Variants in PARD3B observed in about 807,000 individuals in gnomAD.
The protein encoded by PARD3B is partitioning defective 3 homolog B.
In PARD3B, 103 loss-of-function variants were observed where a neutral mutation model predicts 130.2. The ratio of observed to expected loss-of-function variants is 0.79; its 90% CI spans 0.67 to 0.93. The LOEUF is 0.93. PARD3B is among the 40% of genes least tolerant of loss of function. The pLI is 0.00. For missense variants in PARD3B, 1,609 were observed against 1,499.2 expected, an observed-to-expected ratio of 1.07 and a Z score of -1.21; for synonymous variants, 583 against 553.2, an observed-to-expected ratio of 1.05 and a Z score of -0.76.
chr2:205,544,350 G>A (rs771469259), intron 21 of PARD3B, among the ~76,000 whole-genome samples: 1 of 151,960 alleles, frequency 6.6e-6, no homozygotes, highest in Non-Finnish European at 1.5e-5. Flanking sequence ...AGACAGATGG[G>A]GGATAGGAAA....
intron 4 of PARD3B, among the ~76,000 whole-genome samples, chr2:205,072,895 G>A (rs1021098066): frequency 6.6e-6 from 1 of 152,094 alleles, no homozygotes; most frequent in African/African-American, 2.4e-5. Flanking sequence ...CAAACCATTA[G>A]CTCCTTAAGG....
At chr2:205,161,330 T>G (rs2034492220) in intron 11 of PARD3B, among the ~76,000 whole-genome samples, 1 of 152,180 alleles carries the variant, frequency 6.6e-6, no homozygotes, top group Non-Finnish European at 1.5e-5. Flanking sequence ...ACTGGTCTGC[T>G]GAGTCAGACA....
At chr2:204,827,201 G>A (rs1282186496) in intron 2 of PARD3B, among the ~76,000 whole-genome samples, 1 of 152,172 alleles carries the variant, frequency 6.6e-6, no homozygotes, top group Non-Finnish European at 1.5e-5. Flanking sequence ...AACAGTTATT[G>A]AAATATTGTG....
At chr2:205,094,812 G>T (rs758891522) in intron 4 of PARD3B, among the ~76,000 whole-genome samples, 1 of 152,100 alleles carries the variant, frequency 6.6e-6, no homozygotes, top group Non-Finnish European at 1.5e-5. Context: ...GTGTATATGG[G>T]ATATTTACTA....
Position 205,185,842 on chromosome 2 carries a change from G to T in PARD3B, c.2003G>T (p.Gly668Val), listed in dbSNP as rs772584989. 1 of 1,613,704 alleles carries T rather than the reference G, an allele frequency of 6.2e-7. No homozygotes were observed. Among genetic ancestry groups the T allele is most frequent in the South Asian group, 1.1e-5 (1 of 91,070 alleles). ...ACACCACATTCTGCTCTGGGATTGGGCCTCGAAGATTACAGCCACAGGTAT... is the reference window on the plus strand; with the variant it reads ...ACACCACATTCTGCTCTGGGATTGGTCCTCGAAGATTACAGCCACAGGTAT... Reference protein sequence around the residue: ...SPTPHSALGLGLEDYSHSSGV... With the variant: ...SPTPHSALGLVLEDYSHSSGV... Residue 668 changes from glycine (G) to valine (V), a missense_variant, in exon 14 of 23, where the codon GGC becomes GTC. Physicochemically the swap from Gly to Val is moderately radical, Grantham distance 109. Coordinates refer to ENST00000406610, the MANE Select transcript of PARD3B (RefSeq NM_001302769.2).
chr2:205,198,758 T>C (rs982000329), intron 15 of PARD3B, among the ~76,000 whole-genome samples: 1 of 152,108 alleles, frequency 6.6e-6, no homozygotes, highest in Non-Finnish European at 1.5e-5. Context: ...GAGGTACTTC[T>C]ATATGAATTA....
intron 20 of PARD3B, among the ~76,000 whole-genome samples, chr2:205,474,850 T>C (rs1170194233): frequency 1.3e-5 from 2 of 152,126 alleles, no homozygotes; most frequent in Admixed American, 1.3e-4. Context: ...TCATGAAAAA[T>C]AGTACTGTAT....
chr2:205,466,876 C>A (rs964519184), intron 20 of PARD3B, among the ~76,000 whole-genome samples: 3 of 152,152 alleles, frequency 2.0e-5, no homozygotes, highest in African/African-American at 4.8e-5. Flanking sequence ...CCACACCTGG[C>A]TAATTTTTGT....
In PARD3B at chr2:204,689,315, C is replaced by T. The variant is rs1046087921; in HGVS notation, c.222+3033C>T. Among the ~76,000 whole-genome samples the T allele has an allele frequency of 1.3e-4, 20 of 152,126 alleles. No homozygotes were observed. The highest frequency in any genetic ancestry group is 2.8e-4 in the Non-Finnish European group (19 of 68,030). Reference sequence around the variant, plus strand: ...TTTTAAACTTGCTTTCCTAGTACAGCTTCCACGGGGACCAAGTCTCCACTG... The same window carrying T: ...TTTTAAACTTGCTTTCCTAGTACAGTTTCCACGGGGACCAAGTCTCCACTG... On this transcript the variant is annotated intron_variant, in intron 2 of 22. Coordinates refer to ENST00000406610, the MANE Select transcript of PARD3B (RefSeq NM_001302769.2). The surrounding 1 kb of genome is among the most constrained non-coding windows in gnomAD (Gnocchi z 5.2).
chr2:205,303,617 T>C (rs1393198806), intron 18 of PARD3B, among the ~76,000 whole-genome samples: 5 of 152,132 alleles, frequency 3.3e-5, no homozygotes, highest in African/African-American at 4.8e-5. Flanking sequence ...ATAGAGATGT[T>C]CCAACCAGCC....
At chr2:205,044,015 T>C (rs1370613973) in intron 3 of PARD3B, among the ~76,000 whole-genome samples, 1 of 147,784 alleles carries the variant, frequency 6.8e-6, no homozygotes, top group African/African-American at 2.5e-5. Flanking sequence ...GTCCATGTGT[T>C]CTCATTGTTC....
rs59814500 is a variant in PARD3B, at chr2:205,309,893, CATCT to C, written c.2630+8224_2630+8227del. On this transcript the variant is annotated intron_variant, in intron 18 of 22. Transcript: ENST00000406610. This position sits in a 1 kb window ranked among gnomAD's most constrained non-coding sequence, Gnocchi z 4.7. ...AACTTGATAGACATTACTTCTTATCCATCTATCTATCTATCTATCTATCTATCTA... is the reference window on the plus strand; with the variant it reads ...AACTTGATAGACATTACTTCTTATCCATCTATCTATCTATCTATCTATCTA... Among the ~76,000 whole-genome samples the C allele has an allele frequency of 0.29, 43,842 of 150,410 alleles. 7,807 individuals are homozygous for C. The highest frequency in any genetic ancestry group is 0.5 in the African/African-American group (20,346 of 40,790).
chr2:204,908,518 G>T (rs1360518438), intron 2 of PARD3B, among the ~76,000 whole-genome samples: 1 of 152,142 alleles, frequency 6.6e-6, no homozygotes, highest in Non-Finnish European at 1.5e-5. Context: ...CACATTGGGG[G>T]AAATCACTAC....
intron 1 of PARD3B, among the ~76,000 whole-genome samples, chr2:204,613,524 G>T (rs2034004060): frequency 6.6e-6 from 1 of 151,948 alleles, no homozygotes; most frequent in African/African-American, 2.4e-5. Context: ...TTTTTCAGTT[G>T]TTCTCTTTCT....
At chr2:205,191,622 A>G (rs1418108756) in intron 14 of PARD3B, among the ~76,000 whole-genome samples, 1 of 152,206 alleles carries the variant, frequency 6.6e-6, no homozygotes, top group Admixed American at 6.5e-5. Flanking sequence ...TTTCTATAGC[A>G]CATACTCTGT....
intron 19 of PARD3B, among the ~76,000 whole-genome samples, chr2:205,432,386 C>A (rs2047368562): frequency 6.6e-6 from 1 of 152,136 alleles, no homozygotes; most frequent in Admixed American, 6.5e-5. Context: ...TGCTTCCCAC[C>A]TCACTGAGAG....
rs12694028 is a variant in PARD3B, at chr2:205,558,272, T to A, written c.3260+4869T>A. Among the ~76,000 whole-genome samples, 89,679 of 151,888 alleles carry A rather than the reference T, an allele frequency of 0.59. 26,975 individuals carry two copies. Among genetic ancestry groups the A allele is most frequent in the Middle Eastern group, 0.78 (229 of 294 alleles). On this transcript the variant is annotated intron_variant, in intron 22 of 22. Transcript: ENST00000406610. This position sits in a 1 kb window ranked among gnomAD's most constrained non-coding sequence, Gnocchi z 4.8. ...GGTAGAGGCCATACCCAGGGCGAGT[T>A]AACCAGGAAGGTGGAGCATGATGCT... is the stretch of plus-strand genomic sequence containing the variant.
intron 18 of PARD3B, among the ~76,000 whole-genome samples, chr2:205,307,071 G>A (rs1414089625): frequency 6.6e-6 from 1 of 152,212 alleles, no homozygotes; most frequent in East Asian, 1.9e-4. Context: ...GGGGGTGAAT[G>A]AAGATTTAAA....
At chr2:204,553,272 G>C (rs1478089985) in intron 1 of PARD3B, among the ~76,000 whole-genome samples, 1 of 152,068 alleles carries the variant, frequency 6.6e-6, no homozygotes, top group African/African-American at 2.4e-5. Context: ...TGTTGGTGTG[G>C]ATGTGGTGAA....
Sources: gnomAD v4.1 joint callset for allele counts (sites outside exome capture counted in the v4.1 genomes callset) on GRCh38, gnomAD v4.1.1 for gene constraint, Gnocchi (gnomAD v3.1) non-coding constraint, MANE v1.5 for transcripts, NCBI Gene and HGNC (gene_info 2026-07-23, HGNC 2026-07-21) for gene names.